Variants in MAGI1 observed in about 807,000 individuals in gnomAD.
MAGI1 encodes membrane associated guanylate kinase, WW and PDZ domain containing 1, also known as membrane-associated guanylate kinase, WW and PDZ domain-containing protein 1.
Under a neutral mutation model 139.9 loss-of-function variants are expected in MAGI1, and 58 were observed. That is an observed-to-expected ratio of 0.41 (90% CI 0.34 to 0.52). The LOEUF is 0.52. Among genes scored for constraint, MAGI1 ranks in the 20% least tolerant of loss-of-function variants. The probability of loss-of-function intolerance (pLI) is 0.12; values close to 1 mark genes in which losing one functional copy is unlikely to be tolerated. For missense variants in MAGI1, 1,874 were observed against 1,901.6 expected (o/e 0.99, Z 0.27); for synonymous variants, 812 against 737.9 (o/e 1.10, Z -1.63).
At chr3:65,834,408 A>G (rs1227232809) in intron 1 of MAGI1, among the ~76,000 whole-genome samples, 5 of 152,214 alleles carry the variant, frequency 3.3e-5, no homozygotes, top group South Asian at 2.1e-4. Context: ...TCTTTCTCTT[A>G]TTGATTTCTA....
At chr3:66,037,768 G>A (rs1226563048) in intron 1 of MAGI1, among the ~76,000 whole-genome samples, 1 of 152,074 alleles carries the variant, frequency 6.6e-6, no homozygotes, top group African/African-American at 2.4e-5. Context: ...CCTGAGAAAC[G>A]TCCCCCCGCT....
chr3:65,828,976 AG>A lies in MAGI1; in HGVS notation c.314-206889del, dbSNP rs374060573. Among the ~76,000 whole-genome samples the A allele has an allele frequency of 1.6e-4, 25 of 152,306 alleles. No individual in the cohort carries two copies. The South Asian group carries it at 2.1e-3, about 13-fold the overall frequency. On this transcript the variant is annotated intron_variant, in intron 1 of 22. Coordinates refer to ENST00000402939, the MANE Select transcript of MAGI1 (RefSeq NM_001033057.2). The stretch of plus-strand genomic sequence containing the variant: ...CCTCCGCTGACAGCCAGCAAGAAAA[AG>A]GGGATCTTGGTACCACAACCACAAT...
At chr3:65,749,810 C>T (rs1427702117) in intron 1 of MAGI1, among the ~76,000 whole-genome samples, 1 of 151,640 alleles carries the variant, frequency 6.6e-6, no homozygotes, top group African/African-American at 2.4e-5. Context: ...CAAATGCTGA[C>T]CAAGCAAACA....
chr3:65,375,880 A>G lies in MAGI1; in HGVS notation c.3061T>C (p.Cys1021Arg). ...RIIEGSPADRCGKLKVGDRIL... is the reference protein window; with the variant it reads ...RIIEGSPADRRGKLKVGDRIL... The stretch of plus-strand genomic sequence containing the variant: ...CGGTCTCCTACTTTCAGCTTGCCAC[A>G]GCGGTCAGCAGGGCTCCCCTCAATA... The change falls in exon 18 of 23, where the codon TGT becomes CGT. Residue 1021 changes from cysteine (C) to arginine (R), a missense_variant. This residue lies in a region of MAGI1 where 653 missense variants were observed against 644.5 expected (regional missense o/e 1.01). Coordinates refer to ENST00000402939, the MANE Select transcript of MAGI1 (RefSeq NM_001033057.2). 2 of 1,614,168 alleles carry G rather than the reference A, an allele frequency of 1.2e-6. No homozygotes were observed. The highest frequency in any genetic ancestry group is 1.7e-6 in the Non-Finnish European group (2 of 1,180,024).
chr3:65,497,078 C>T (rs1459692852), intron 2 of MAGI1, among the ~76,000 whole-genome samples: 1 of 152,090 alleles, frequency 6.6e-6, no homozygotes, highest in East Asian at 1.9e-4. Flanking sequence ...CTAACAGACA[C>T]CTACGAGCAG....
chr3:65,926,071 T>C (rs555964682), intron 1 of MAGI1, among the ~76,000 whole-genome samples: 10 of 152,316 alleles, frequency 6.6e-5, no homozygotes, highest in African/African-American at 2.2e-4. Flanking sequence ...AAGTACTAAG[T>C]ACCTTACTCA....
chr3:65,464,307 G>A (rs546694663), intron 5 of MAGI1, among the ~76,000 whole-genome samples: 2 of 151,912 alleles, frequency 1.3e-5, no homozygotes, highest in South Asian at 4.1e-4. Context: ...TCTCTTCCCA[G>A]GTTCTTGCAC....
At chr3:65,982,670 T>C (rs1022600024) in intron 1 of MAGI1, among the ~76,000 whole-genome samples, 3 of 152,182 alleles carry the variant, frequency 2.0e-5, no homozygotes, top group African/African-American at 7.2e-5. Context: ...GTAGAGTGTG[T>C]GGTCTGGTAA....
chr3:65,356,334 T>C lies in MAGI1; in HGVS notation c.*44A>G. The stretch of plus-strand genomic sequence containing the variant: ...TAATTTCAGGTTTGTGACTTTCCTC[T>C]TAGAACCTTTGACACGGTAAAGGTT... On this transcript the variant is annotated 3_prime_UTR_variant, in exon 23 of 23. Coordinates refer to ENST00000402939, the MANE Select transcript of MAGI1 (RefSeq NM_001033057.2). 2 of 1,510,988 alleles carry C rather than the reference T, an allele frequency of 1.3e-6. No homozygotes were observed. Among genetic ancestry groups the C allele is most frequent in the Non-Finnish European group, 1.8e-6 (2 of 1,138,222 alleles). The allele number at this position is 1,510,988 out of a possible 1,614,324, so 93.6% of individuals were successfully genotyped here. A position where few individuals can be genotyped will look rare whatever the true frequency, so the allele number is the denominator to read the frequency against.
chr3:65,592,178 G>A lies in MAGI1; in HGVS notation c.430+29794C>T, dbSNP rs149751980. Among the ~76,000 whole-genome samples, 403 of 152,236 alleles carry A rather than the reference G, an allele frequency of 2.6e-3. 2 individuals carry two copies. The highest frequency in any genetic ancestry group is 0.026 in the East Asian group (134 of 5,176). ...TTGTTGAATAAATAAATATATCTTA[G>A]TGTTTCTGTGAGGACTAAATCAGCC... On this transcript the variant is annotated intron_variant, in intron 2 of 22. Coordinates refer to ENST00000402939, the MANE Select transcript of MAGI1 (RefSeq NM_001033057.2).
At chr3:65,743,264 A>G (rs1173443359) in intron 1 of MAGI1, among the ~76,000 whole-genome samples, 2 of 152,244 alleles carry the variant, frequency 1.3e-5, no homozygotes, top group Admixed American at 6.5e-5. Context: ...CTTTATACCA[A>G]GCTTTTACTA....
At chr3:65,500,123 C>A (rs2077026269) in intron 2 of MAGI1, among the ~76,000 whole-genome samples, 1 of 152,114 alleles carries the variant, frequency 6.6e-6, no homozygotes, top group Non-Finnish European at 1.5e-5. Context: ...GCCTCAAGGT[C>A]AACAATACTT....
chr3:65,948,994 C>T (rs1054613693), intron 1 of MAGI1, among the ~76,000 whole-genome samples: 2 of 152,186 alleles, frequency 1.3e-5, no homozygotes, highest in African/African-American at 4.8e-5. Flanking sequence ...GCAAATGCAG[C>T]ACAGAGAAAA....
intron 2 of MAGI1, among the ~76,000 whole-genome samples, chr3:65,535,382 G>A (rs548242971): frequency 3.3e-5 from 5 of 152,286 alleles, no homozygotes; most frequent in Admixed American, 2.0e-4. Context: ...GTCTCTTGCA[G>A]CTCTGAAATA....
At chr3:65,917,236 A>G (rs1458888938) in intron 1 of MAGI1, among the ~76,000 whole-genome samples, 2 of 152,178 alleles carry the variant, frequency 1.3e-5, no homozygotes, top group Non-Finnish European at 2.9e-5. Flanking sequence ...GAAAAATAAA[A>G]CCAACAATGA....
chr3:65,358,616 C>G (rs74409262), intron 22 of MAGI1, among the ~76,000 whole-genome samples: 1 of 152,130 alleles, frequency 6.6e-6, no homozygotes, highest in Non-Finnish European at 1.5e-5. Flanking sequence ...AAGTAATGGG[C>G]GTGCCTATGT....
intron 1 of MAGI1, among the ~76,000 whole-genome samples, chr3:65,920,840 C>A (rs1576052573): frequency 6.6e-6 from 1 of 152,054 alleles, no homozygotes; most frequent in East Asian, 1.9e-4. Context: ...ACCAGCCTGA[C>A]CAACATGGTG....
chr3:65,627,056 G>C (rs979043054), intron 1 of MAGI1, among the ~76,000 whole-genome samples: 2 of 152,104 alleles, frequency 1.3e-5, no homozygotes, highest in Non-Finnish European at 2.9e-5. Context: ...GCAAAGTTCC[G>C]GTCAAAGCCA....
chr3:65,690,343 G>A (rs1029212922), intron 1 of MAGI1, among the ~76,000 whole-genome samples: 7 of 152,190 alleles, frequency 4.6e-5, no homozygotes, highest in African/African-American at 1.7e-4. Context: ...CTGTCACACT[G>A]TTATTGCTGT....
Sources: allele counts gnomAD v4.1 joint callset (sites outside exome capture counted in the v4.1 genomes callset), GRCh38; gene constraint gnomAD v4.1.1; regional missense constraint gnomAD v4.1.1; transcripts MANE v1.5; gene names NCBI Gene and HGNC (gene_info 2026-07-23, HGNC 2026-07-21).